RBFOX1: variants seen among roughly 807,000 people sequenced by gnomAD.
RBFOX1 encodes the protein RNA binding protein fox-1 homolog 1.
In RBFOX1, 8 loss-of-function variants were observed where a neutral mutation model predicts 57.7. The ratio of observed to expected loss-of-function variants is 0.14; its 90% CI spans 0.08 to 0.25. The LOEUF is 0.25. RBFOX1 is among the 10% of genes least tolerant of loss of function. RBFOX1 has a pLI of 1.00. For synonymous variants in RBFOX1, 326 were observed against 222.4 expected, an observed-to-expected ratio of 1.47 and a Z score of -4.15; for missense variants, 611 against 548.5, an observed-to-expected ratio of 1.11 and a Z score of -1.14.
intron 4 of RBFOX1, among the ~76,000 whole-genome samples, chr16:5,936,433 G>C (rs1344601576): frequency 6.6e-6 from 1 of 152,158 alleles, no homozygotes; most frequent in Non-Finnish European, 1.5e-5. Flanking sequence ...CATTAGGGAG[G>C]AATTTTGTTT....
intron 3 of RBFOX1, among the ~76,000 whole-genome samples, chr16:6,968,459 C>G (rs117755292): frequency 1.3e-5 from 2 of 152,124 alleles, no homozygotes; most frequent in Non-Finnish European, 2.9e-5. Flanking sequence ...CTGACGCTAT[C>G]CGGACCGAAA....
Position 7,712,370 on chromosome 16 carries a change from C to G in RBFOX1, c.*1625C>G, listed in dbSNP as rs2084129059. The G allele has an allele frequency of 6.6e-6, 1 of 152,620 alleles. No individual in the cohort carries two copies. The highest frequency in any genetic ancestry group is 2.4e-5 in the African/African-American group (1 of 41,420). The allele number at this position is 152,620 out of a possible 1,614,324, so 9.5% of individuals were successfully genotyped here. On this transcript the variant is annotated 3_prime_UTR_variant, in exon 16 of 16. Coordinates refer to ENST00000550418, the MANE Select transcript of RBFOX1 (RefSeq NM_018723.4). Reference sequence around the variant, plus strand: ...AACCTGCCAATCCGCTGTAACAACTCTGCTTTAAAACAAAACCAAACAAAA... The same window carrying G: ...AACCTGCCAATCCGCTGTAACAACTGTGCTTTAAAACAAAACCAAACAAAA...
At position 5,834,491 on chromosome 16, in the gene RBFOX1, A is replaced by G. The variant is rs141664179; in HGVS notation, c.319-32812A>G. On this transcript the variant is annotated intron_variant, in intron 3 of 19. Transcript: ENST00000641259. ...ACACATATATACCACATTTTTCTTT[A>G]TCCACTCATCTGTTGATGGGCACTT... Among the ~76,000 whole-genome samples the G allele has an allele frequency of 5.2e-3, 798 of 152,174 alleles. 4 individuals carry two copies. The highest frequency in any genetic ancestry group is 8.1e-3 in the Non-Finnish European group (553 of 68,012).
chr16:7,196,784 G>C (rs924668387), intron 4 of RBFOX1, among the ~76,000 whole-genome samples: 1 of 152,074 alleles, frequency 6.6e-6, no homozygotes, highest in Non-Finnish European at 1.5e-5. Flanking sequence ...TTTTGAGGAT[G>C]GGTGGGAATT....
intron 4 of RBFOX1, among the ~76,000 whole-genome samples, chr16:7,315,119 G>C (rs1047609309): frequency 2.0e-5 from 3 of 149,328 alleles, no homozygotes; most frequent in African/African-American, 4.9e-5. Flanking sequence ...AATTGCACTT[G>C]TACTTGTGTT....
intron 3 of RBFOX1, among the ~76,000 whole-genome samples, chr16:7,001,360 G>GTGTGTA (rs71408493): frequency 0.25 from 35,996 of 143,108 alleles, 5,479 homozygotes; most frequent in South Asian, 0.39. Context: ...GTGTGTGTTT[G>GTGTGTA]TGTGTATGTG....
chr16:6,247,875 C>A (rs191510596), intron 1 of RBFOX1, among the ~76,000 whole-genome samples: 1 of 152,298 alleles, frequency 6.6e-6, no homozygotes, highest in East Asian at 1.9e-4. Flanking sequence ...GCAGTGGCCA[C>A]ATTGTCATAA....
chr16:7,114,530 T>C (rs141165623), intron 4 of RBFOX1, among the ~76,000 whole-genome samples: 1 of 152,360 alleles, frequency 6.6e-6, no homozygotes, highest in African/African-American at 2.4e-5. Flanking sequence ...TGGTTCCAAA[T>C]GAAAGTGACA....
intron 1 of RBFOX1, among the ~76,000 whole-genome samples, chr16:6,230,320 C>A (rs1173115338): frequency 6.6e-6 from 1 of 151,936 alleles, no homozygotes. Context: ...ATAATTATAA[C>A]AATGTTGTTA....
intron 3 of RBFOX1, among the ~76,000 whole-genome samples, chr16:5,786,922 G>A (rs1387900789): frequency 6.6e-6 from 1 of 152,156 alleles, no homozygotes; most frequent in Non-Finnish European, 1.5e-5. Flanking sequence ...GGTCACTTGA[G>A]GTCAGGAGAT....
At chr16:6,936,178 G>T (rs528647618) in intron 3 of RBFOX1, among the ~76,000 whole-genome samples, 81 of 152,156 alleles carry the variant, frequency 5.3e-4, no homozygotes, top group Non-Finnish European at 1.0e-3. Flanking sequence ...GTCATTGCGA[G>T]TTGTGCAAGG....
intron 4 of RBFOX1, among the ~76,000 whole-genome samples, chr16:7,480,060 C>A (rs1470954754): frequency 6.6e-6 from 1 of 152,174 alleles, no homozygotes; most frequent in Non-Finnish European, 1.5e-5. Flanking sequence ...AACTGCCTTT[C>A]TTCTGAATGG....
chr16:5,957,340 G>C (rs370085047), intron 4 of RBFOX1, among the ~76,000 whole-genome samples: 1 of 151,966 alleles, frequency 6.6e-6, no homozygotes, highest in South Asian at 2.1e-4. Context: ...TCAGCCTCCC[G>C]AGTAGCTGGG....
chr16:5,968,798 T>G (rs1364215506), intron 4 of RBFOX1, among the ~76,000 whole-genome samples: 2 of 152,116 alleles, frequency 1.3e-5, no homozygotes, highest in Non-Finnish European at 2.9e-5. Context: ...AATTTGTTCT[T>G]TTCTCTTGTT....
At chr16:6,987,729 T>A (rs17141951) in intron 3 of RBFOX1, among the ~76,000 whole-genome samples, 1 of 152,050 alleles carries the variant, frequency 6.6e-6, no homozygotes, top group East Asian at 1.9e-4. Context: ...GACCACAGTT[T>A]ATTCACCTGT....
intron 4 of RBFOX1, among the ~76,000 whole-genome samples, chr16:7,183,277 C>A (rs933963722): frequency 6.6e-6 from 1 of 152,076 alleles, no homozygotes; most frequent in Admixed American, 6.5e-5. Flanking sequence ...ACATATTCCC[C>A]AATGACAAGT....
At chr16:6,710,677 G>A (rs966513967) in intron 3 of RBFOX1, among the ~76,000 whole-genome samples, 5 of 152,236 alleles carry the variant, frequency 3.3e-5, no homozygotes, top group Non-Finnish European at 5.9e-5. Flanking sequence ...AAACACACCT[G>A]CTGCAGTTTG....
rs548036862 is a variant in RBFOX1 at position 7,637,645 on chromosome 16, A to G, written c.757+6962A>G. Among the ~76,000 whole-genome samples, 35 of 152,328 alleles carry G rather than the reference A, an allele frequency of 2.3e-4. No homozygotes were observed. The East Asian group carries it at 6.8e-3, about 29-fold the overall frequency. The stretch of plus-strand genomic sequence containing the variant: ...TGGACTCAGTTACTAGAAAGGACAC[A>G]TACAGGTCATTTTGTTACTGACACA... On this transcript the variant is annotated intron_variant, in intron 11 of 15. Transcript: ENST00000550418.
intron 4 of RBFOX1, among the ~76,000 whole-genome samples, chr16:7,124,330 C>G (rs549401398): frequency 6.6e-6 from 1 of 152,044 alleles, no homozygotes; most frequent in Non-Finnish European, 1.5e-5. Flanking sequence ...GGGAGGATCC[C>G]TTGAGTTCAG....
Sources: allele counts gnomAD v4.1 joint callset (sites outside exome capture counted in the v4.1 genomes callset), GRCh38; gene constraint gnomAD v4.1.1; transcripts MANE v1.5; gene names NCBI Gene and HGNC (gene_info 2026-07-23, HGNC 2026-07-21).